ACOT7: variants seen among roughly 807,000 people sequenced by gnomAD.
ACOT7 encodes the protein cytosolic acyl coenzyme A thioester hydrolase.
A neutral mutation model predicts 40.2 loss-of-function variants in ACOT7; 12 were observed. That is an observed-to-expected ratio of 0.30 (90% CI 0.19 to 0.48). The LOEUF (loss-of-function observed/expected upper bound fraction) is 0.48. Ranked by LOEUF, ACOT7 falls within the 20% of genes least tolerant of loss-of-function variation. ACOT7 has a pLI of 0.99. For synonymous variants in ACOT7, 228 were observed against 219.5 expected, an observed-to-expected ratio of 1.04 and a Z score of -0.34; for missense variants, 395 against 530.8, an observed-to-expected ratio of 0.74 and a Z score of 2.51.
At chr1:6,285,333 G>A (rs988705776) in intron 7 of ACOT7, among the ~76,000 whole-genome samples, 8 of 152,198 alleles carry the variant, frequency 5.3e-5, no homozygotes, top group Non-Finnish European at 8.8e-5. Flanking sequence ...AAGCCCTGCT[G>A]GCCGGTACTT....
Position 6,282,886 on chromosome 1 carries a change from G to A in ACOT7, c.830-1600C>T, listed in dbSNP as rs777959526. 2 of 952,148 alleles carry A rather than the reference G, an allele frequency of 2.1e-6. No homozygotes were observed. The highest frequency in any genetic ancestry group is 2.3e-5 in the Admixed American group (1 of 43,094). The allele number at this position is 952,148 out of a possible 1,614,324, so 59.0% of individuals were successfully genotyped here. On this transcript the variant is annotated intron_variant, in intron 7 of 8. Coordinates refer to ENST00000361521, the MANE Select transcript of ACOT7 (RefSeq NM_007274.4). This position sits in a 1 kb window ranked among gnomAD's most constrained non-coding sequence, Gnocchi z 4.5. The stretch of plus-strand genomic sequence containing the variant: ...GGCCATGGGTCAGGCCCCAGCTAAG[G>A]AGCTAGAAGTTTCAACAGGTCAGAC...
At chr1:6,392,827 A>C (rs895846113) in intron 1 of ACOT7, among the ~76,000 whole-genome samples, 1 of 152,056 alleles carries the variant, frequency 6.6e-6, no homozygotes, top group African/African-American at 2.4e-5. Context: ...ACAACCGCCG[A>C]GGTAATGATC....
At chr1:6,335,037 A>G (rs1219028129) in intron 3 of ACOT7, among the ~76,000 whole-genome samples, 1 of 151,874 alleles carries the variant, frequency 6.6e-6, no homozygotes, top group Non-Finnish European at 1.5e-5. Context: ...AATACAAAAA[A>G]TTAGCTGGGT....
chr1:6,322,115 C>T (rs1640662187), intron 5 of ACOT7, among the ~76,000 whole-genome samples: 2 of 152,176 alleles, frequency 1.3e-5, no homozygotes, highest in Non-Finnish European at 2.9e-5. Flanking sequence ...GATGTCGGGG[C>T]CCCCAGGGGC....
intron 1 of ACOT7, among the ~76,000 whole-genome samples, chr1:6,362,188 T>C (rs2148467171): frequency 6.6e-6 from 1 of 152,274 alleles, no homozygotes; most frequent in Admixed American, 6.5e-5. Context: ...CCCAGCACTT[T>C]GGGAGGCCAA....
chr1:6,377,839 G>A (rs1191151088), intron 1 of ACOT7, among the ~76,000 whole-genome samples: 1 of 152,324 alleles, frequency 6.6e-6, no homozygotes, highest in African/African-American at 2.4e-5. Flanking sequence ...GGTAAGCCTA[G>A]GCGGACGGAT....
chr1:6,340,866 T>C (rs1641257187), intron 2 of ACOT7, among the ~76,000 whole-genome samples: 1 of 151,918 alleles, frequency 6.6e-6, no homozygotes, highest in Admixed American at 6.6e-5. Flanking sequence ...TGAAACTCCA[T>C]CTCTACTAAA....
At position 6,289,769 on chromosome 1, in the gene ACOT7, A is replaced by G. The variant is rs1553155914; in HGVS notation, c.829+5095T>C. Among the ~76,000 whole-genome samples, 1 of 152,140 alleles carries G rather than the reference A, an allele frequency of 6.6e-6. No individual in the cohort carries two copies. Among genetic ancestry groups the G allele is most frequent in the Non-Finnish European group, 1.5e-5 (1 of 68,012 alleles). On this transcript the variant is annotated intron_variant, in intron 7 of 8. Coordinates refer to ENST00000361521, the MANE Select transcript of ACOT7 (RefSeq NM_007274.4). This position sits in a 1 kb window ranked among gnomAD's most constrained non-coding sequence, Gnocchi z 4.6. ...TGGTCTCGAACCCCTGGCTTAAGCA[A>G]TCCTCCTACTTTAGCATCCTAAGTA...
intron 7 of ACOT7, among the ~76,000 whole-genome samples, chr1:6,291,876 G>C (rs967398167): frequency 6.6e-6 from 1 of 152,188 alleles, no homozygotes; most frequent in Admixed American, 6.5e-5. Context: ...GTGCCTCCCC[G>C]CACAGCCTCG....
intron 8 of ACOT7, among the ~76,000 whole-genome samples, chr1:6,266,735 C>A (rs1474743697): frequency 2.0e-5 from 3 of 152,280 alleles, no homozygotes; most frequent in Non-Finnish European, 4.4e-5. Flanking sequence ...TGTCTGCCTG[C>A]AGCGGCAAGG....
chr1:6,385,758 G>A (rs1642427882), intron 1 of ACOT7: 1 of 1,489,446 alleles, frequency 6.7e-7, no homozygotes, highest in Non-Finnish European at 8.9e-7. Flanking sequence ...TCAGCAGTGA[G>A]CCGGTGTGAT....
intron 1 of ACOT7, among the ~76,000 whole-genome samples, chr1:6,391,331 C>G (rs1339310310): frequency 1.3e-5 from 2 of 152,166 alleles, no homozygotes; most frequent in Middle Eastern, 3.4e-3. Flanking sequence ...CATGGAGAAA[C>G]CCCATCTCTA....
At chr1:6,305,671 G>A (rs1352127218) in intron 6 of ACOT7, among the ~76,000 whole-genome samples, 1 of 150,848 alleles carries the variant, frequency 6.6e-6, no homozygotes, top group Non-Finnish European at 1.5e-5. Flanking sequence ...TAGATGGGAT[G>A]GCGGCCGGGC....
intron 1 of ACOT7, among the ~76,000 whole-genome samples, chr1:6,379,115 C>G (rs934365979): frequency 1.3e-5 from 2 of 151,794 alleles, no homozygotes; most frequent in East Asian, 3.9e-4. Context: ...AGGATGGTCC[C>G]GATCTCCTGA....
At chr1:6,286,677 C>T (rs1190431418) in intron 7 of ACOT7, among the ~76,000 whole-genome samples, 1 of 152,224 alleles carries the variant, frequency 6.6e-6, no homozygotes, top group African/African-American at 2.4e-5. Flanking sequence ...GACCCAGCCA[C>T]GACCCACTCA....
intron 2 of ACOT7, among the ~76,000 whole-genome samples, chr1:6,344,561 C>T (rs1009781850): frequency 3.3e-5 from 5 of 151,994 alleles, no homozygotes; most frequent in African/African-American, 9.7e-5. Flanking sequence ...GTCAGGAGTT[C>T]GAGGCCAGCG....
chr1:6,289,260 CG>C lies in ACOT7; in HGVS notation c.829+5603del, dbSNP rs1163952727. Among the ~76,000 whole-genome samples the C allele has an allele frequency of 6.6e-6, 1 of 152,098 alleles. No individual in the cohort carries two copies. Among genetic ancestry groups the C allele is most frequent in the Non-Finnish European group, 1.5e-5 (1 of 68,026 alleles). On this transcript the variant is annotated intron_variant, in intron 7 of 8. Coordinates refer to ENST00000361521, the MANE Select transcript of ACOT7 (RefSeq NM_007274.4). The surrounding 1 kb of genome is among the most constrained non-coding windows in gnomAD (Gnocchi z 4.6). ...GATTACAGGCGCCTGCCCCCACGCC[CG>C]GCTAATTTTTGTATTTTTAGTAGAG...
intron 6 of ACOT7, among the ~76,000 whole-genome samples, chr1:6,312,678 G>A (rs773849236): frequency 2.6e-5 from 4 of 152,154 alleles, no homozygotes; most frequent in Non-Finnish European, 5.9e-5. Context: ...ATGTTGGCCA[G>A]GCTGGTCTCA....
intron 1 of ACOT7, among the ~76,000 whole-genome samples, chr1:6,351,334 G>C (rs1450306773): frequency 6.6e-6 from 1 of 152,230 alleles, no homozygotes; most frequent in African/African-American, 2.4e-5. Context: ...CACAGTGGCC[G>C]GGGGATCCCC....
Sources: gnomAD v4.1 joint callset for allele counts (sites outside exome capture counted in the v4.1 genomes callset) on GRCh38, gnomAD v4.1.1 for gene constraint, Gnocchi (gnomAD v3.1) non-coding constraint, MANE v1.5 for transcripts, NCBI Gene and HGNC (gene_info 2026-07-23, HGNC 2026-07-21) for gene names.